Variants in FBXW8 observed in about 807,000 individuals in gnomAD.
FBXW8 encodes F-box and WD repeat domain containing 8, also known as F-box/WD repeat-containing protein 8.
Under a neutral mutation model 65.3 loss-of-function variants are expected in FBXW8, and 57 were observed. That is an observed-to-expected ratio of 0.87 (90% CI 0.71 to 1.09). The LOEUF is 1.09. Ranked by LOEUF, FBXW8 falls within the 50% of genes least tolerant of loss-of-function variation. The pLI is 0.00. For synonymous variants in FBXW8, 308 were observed against 330.2 expected (o/e 0.93, Z 0.73); for missense variants, 777 against 814.8 (o/e 0.95, Z 0.57).
chr12:117,027,310 T>C, intron 9 of FBXW8, 84 bp from the exon 10 acceptor site: 1 of 999,460 alleles, frequency 1.0e-6, no homozygotes, highest in Non-Finnish European at 1.6e-6. Context: ...TAGAATCCCC[T>C]GCAGCTCTGA....
intron 2 of FBXW8, among the ~76,000 whole-genome samples, chr12:116,929,775 C>T (rs1284558387): frequency 6.6e-6 from 1 of 152,128 alleles, no homozygotes; most frequent in Non-Finnish European, 1.5e-5. Flanking sequence ...TACAGTAGAG[C>T]TCTGAACTTA....
At chr12:117,026,869 A>G (rs78592533) in intron 9 of FBXW8, among the ~76,000 whole-genome samples, 7,163 of 152,296 alleles carry the variant, frequency 0.047, 513 homozygotes, top group African/African-American at 0.15. Flanking sequence ...CCTCTGTTCA[A>G]GAGACTTGGA....
chr12:116,946,654 T>C (rs1242797994), intron 3 of FBXW8, among the ~76,000 whole-genome samples: 1 of 152,110 alleles, frequency 6.6e-6, no homozygotes, highest in East Asian at 1.9e-4. Flanking sequence ...TCTTAGGCTG[T>C]TAAGACACCA....
intron 4 of FBXW8, among the ~76,000 whole-genome samples, chr12:116,955,695 A>G (rs1273255297): frequency 4.6e-5 from 7 of 152,330 alleles, no homozygotes; most frequent in African/African-American, 1.4e-4. Flanking sequence ...AGAAAGGGGC[A>G]TATGGAAACA....
intron 4 of FBXW8, among the ~76,000 whole-genome samples, chr12:116,959,545 CA>C (rs1268296214): frequency 3.3e-5 from 5 of 152,134 alleles, no homozygotes; most frequent in Non-Finnish European, 5.9e-5. Context: ...TTGTTTTTAG[CA>C]AATAAGAGCT....
At chr12:116,957,213 G>C (rs1883703013) in intron 4 of FBXW8, among the ~76,000 whole-genome samples, 1 of 151,756 alleles carries the variant, frequency 6.6e-6, no homozygotes, top group Non-Finnish European at 1.5e-5. Context: ...CAGGCATGGT[G>C]GTGCACACCT....
chr12:117,005,191 G>A (rs1220803566), intron 7 of FBXW8, among the ~76,000 whole-genome samples: 1 of 152,228 alleles, frequency 6.6e-6, no homozygotes, highest in Non-Finnish European at 1.5e-5. Context: ...AGATCCAGGA[G>A]TGGAGGAAGG....
rs746728965 is a variant in FBXW8, at chr12:117,024,248, G to A, written c.1469G>A (p.Ser490Asn). 8.7e-6 allele frequency: 14 copies of A among 1,614,234 alleles called. No homozygotes were observed. In the South Asian group the frequency reaches 1.2e-4, roughly 14 times the overall value. ...CAGATGGATGACTGGAAGATCGTCA[G>A]TGGAGGCGAGGAAGGCCTGGTGTCC... ...AVQMDDWKIV[S>N]GGEEGLVSVW... Residue 490 changes from serine (S) to asparagine (N), a missense_variant, in exon 9 of 11, where the codon AGT (serine) becomes AAT (asparagine). By Grantham distance (46) the Ser-to-Asn change is conservative. Transcript: ENST00000652555.
intron 4 of FBXW8, among the ~76,000 whole-genome samples, chr12:116,959,270 A>G (rs1883840471): frequency 6.6e-6 from 1 of 152,242 alleles, no homozygotes; most frequent in African/African-American, 2.4e-5. Context: ...AACCTGAGTC[A>G]TAATATTGAA....
intron 7 of FBXW8, among the ~76,000 whole-genome samples, chr12:116,989,224 C>A (rs536066805): frequency 3.9e-5 from 6 of 152,234 alleles, no homozygotes; most frequent in Admixed American, 3.9e-4. Flanking sequence ...CCATAATGTG[C>A]CTTGGAGAGA....
At chr12:117,009,477 C>T (rs1451687328) in intron 7 of FBXW8, among the ~76,000 whole-genome samples, 1 of 152,122 alleles carries the variant, frequency 6.6e-6, no homozygotes, top group South Asian at 2.1e-4. Flanking sequence ...AAAGTATGCT[C>T]AGAACTTGGT....
chr12:116,914,875 C>T (rs1321149308), intron 1 of FBXW8, among the ~76,000 whole-genome samples: 1 of 152,074 alleles, frequency 6.6e-6, no homozygotes, highest in Non-Finnish European at 1.5e-5. Context: ...AATTCCATCT[C>T]AAAAAATAAA....
intron 5 of FBXW8, among the ~76,000 whole-genome samples, chr12:116,969,379 G>A (rs768404727): frequency 1.8e-4 from 27 of 152,186 alleles, no homozygotes; most frequent in East Asian, 3.8e-4. Flanking sequence ...TTCCCCAGAC[G>A]TCAGGTGGCG....
rs1954325330 is a variant in FBXW8, at chr12:117,030,146, G to C, written c.*1974G>C. The C allele has an allele frequency of 6.6e-6, 1 of 152,120 alleles. No individual in the cohort carries two copies. The highest frequency in any genetic ancestry group is 2.4e-5 in the African/African-American group (1 of 41,410). The allele number at this position is 152,120 out of a possible 1,614,324, so 9.4% of individuals were successfully genotyped here. On this transcript the variant is annotated 3_prime_UTR_variant, in exon 11 of 11. Transcript: ENST00000652555. ...AGCCTAGAACCTTCACGTCATGAAGGTTCTGGAAGGTTTTTCAGATTGCTT... is the reference window on the plus strand; with the variant it reads ...AGCCTAGAACCTTCACGTCATGAAGCTTCTGGAAGGTTTTTCAGATTGCTT...
chr12:116,968,188 C>T (rs933363512), intron 5 of FBXW8, among the ~76,000 whole-genome samples: 1 of 152,156 alleles, frequency 6.6e-6, no homozygotes, highest in Non-Finnish European at 1.5e-5. Context: ...TTGATTACTA[C>T]ATTTTTAGGG....
rs528135549 is a variant in FBXW8 at position 116,936,329 on chromosome 12, C to G, written c.423+8202C>G. ...CAGGAAGGTCCAAGTGGGTGGTTGTCGTACGCTGAATAATGGCCCTCCCAA... is the reference window on the plus strand; with the variant it reads ...CAGGAAGGTCCAAGTGGGTGGTTGTGGTACGCTGAATAATGGCCCTCCCAA... On this transcript the variant is annotated intron_variant, in intron 2 of 10. Transcript: ENST00000652555. This position sits in a 1 kb window ranked among gnomAD's most constrained non-coding sequence, Gnocchi z 4.6. Among the ~76,000 whole-genome samples the G allele has an allele frequency of 1.3e-5, 2 of 152,180 alleles. No individual in the cohort carries two copies. Among genetic ancestry groups the G allele is most frequent in the African/African-American group, 4.8e-5 (2 of 41,436 alleles).
chr12:117,003,668 C>G (rs572715270), intron 7 of FBXW8, among the ~76,000 whole-genome samples: 2 of 152,288 alleles, frequency 1.3e-5, no homozygotes, highest in Admixed American at 1.3e-4. Context: ...TCTTACAGCA[C>G]CTTCATTTCA....
At chr12:116,954,758 C>T (rs1318247054) in intron 4 of FBXW8, among the ~76,000 whole-genome samples, 1 of 152,030 alleles carries the variant, frequency 6.6e-6, no homozygotes, top group Non-Finnish European at 1.5e-5. Flanking sequence ...GCTTTTGTAG[C>T]CCTCAGCTTC....
intron 2 of FBXW8, among the ~76,000 whole-genome samples, chr12:116,938,330 T>C (rs1424441322): frequency 6.6e-6 from 1 of 152,254 alleles, no homozygotes; most frequent in Non-Finnish European, 1.5e-5. Flanking sequence ...CCTCTGCCTT[T>C]TTTAAGTCTC....
Sources: gnomAD v4.1 joint callset for allele counts (sites outside exome capture counted in the v4.1 genomes callset) on GRCh38, gnomAD v4.1.1 for gene constraint, Gnocchi (gnomAD v3.1) non-coding constraint, MANE v1.5 for transcripts, NCBI Gene and HGNC (gene_info 2026-07-23, HGNC 2026-07-21) for gene names.